Variants in BBS12 observed in about 807,000 individuals in gnomAD.
BBS12 encodes the protein chaperonin-containing T-complex member BBS12.
A neutral mutation model predicts 5.6 loss-of-function variants in BBS12; 5 were observed. The ratio of observed to expected loss-of-function variants is 0.89; its 90% CI spans 0.46 to 1.86. The LOEUF (loss-of-function observed/expected upper bound fraction) is 1.86, where lower values mean the gene tolerates loss of function less well. Ranked by LOEUF, BBS12 falls within the 40% of genes most tolerant of loss-of-function variation. The pLI is 0.01. For synonymous variants in BBS12, 308 were observed against 306.8 expected (o/e 1.00, Z -0.04); for missense variants, 748 against 830.4 (o/e 0.90, Z 1.22).
At chr4:122,702,937 G>A in the BBS12 span, among the ~76,000 whole-genome samples, 370 of 152,276 alleles carry the variant, frequency 2.4e-3, 3 homozygotes, top group African/African-American at 8.5e-3. Context: ...GAATTAGAAT[G>A]TTTTAATAAC....
Position 122,743,485 on chromosome 4 carries a change from A to G in BBS12, c.1593A>G (p.Lys531=). The part of the protein sequence containing the change: ...TCAYRLYYAL[K]EEKVFLGGGA... ...CCTATCGTTTGTATTATGCTCTAAA[A>G]GAGGAAAAGGTCTTCCTTGGAGGTG... The change falls in exon 2 of 2, where the codon AAA becomes AAG. Residue 531 remains lysine (K), a synonymous_variant. Transcript: ENST00000314218. The G allele has an allele frequency of 6.2e-7, 1 of 1,614,258 alleles. No individual in the cohort carries two copies. The highest frequency in any genetic ancestry group is 1.7e-5 in the Admixed American group (1 of 60,034).
the BBS12 span, among the ~76,000 whole-genome samples, chr4:122,727,399 C>T: frequency 6.6e-6 from 1 of 151,968 alleles, no homozygotes; most frequent in Non-Finnish European, 1.5e-5. Flanking sequence ...TGCCTGCCAC[C>T]ATGTCCAGCA....
chr4:122,713,254 T>C, the BBS12 span, among the ~76,000 whole-genome samples: 1 of 152,220 alleles, frequency 6.6e-6, no homozygotes, highest in African/African-American at 2.4e-5. Context: ...AATGATGTGT[T>C]CTGTCATGTT....
At chr4:122,710,504 C>T in the BBS12 span, among the ~76,000 whole-genome samples, 1 of 152,140 alleles carries the variant, frequency 6.6e-6, no homozygotes, top group Non-Finnish European at 1.5e-5. Context: ...TATTCATATC[C>T]AGTTGCGCAT....
At chr4:122,704,004 A>G in the BBS12 span, among the ~76,000 whole-genome samples, 2 of 151,984 alleles carry the variant, frequency 1.3e-5, no homozygotes, top group South Asian at 2.1e-4. Flanking sequence ...TTGCATCACC[A>G]CACCCAGAAA....
At chr4:122,733,376 AAC>A (rs3034555) in intron 1 of BBS12, among the ~76,000 whole-genome samples, 20,188 of 87,558 alleles carry the variant, frequency 0.23, 2,704 homozygotes, top group Non-Finnish European at 0.27. Flanking sequence ...CTCCAACCCC[AAC>A]ACACACACAC....
Position 122,743,046 on chromosome 4 carries a change from T to G in BBS12, c.1154T>G (p.Met385Arg). Residue 385 changes from methionine to arginine, a missense_variant, in exon 2 of 2, where the codon ATG becomes AGG. Transcript: ENST00000314218. ...SANIKTVLDS[M>R]RLQEDSSEEL... Reference sequence around the variant, plus strand: ...AATATTAAAACAGTATTAGATAGCATGCGGCTTCAAGAAGACAGCTCAGAA... The same window carrying G: ...AATATTAAAACAGTATTAGATAGCAGGCGGCTTCAAGAAGACAGCTCAGAA... 1 of 1,614,262 alleles carries G rather than the reference T, an allele frequency of 6.2e-7. No homozygotes were observed. The highest frequency in any genetic ancestry group is 8.5e-7 in the Non-Finnish European group (1 of 1,180,048).
the BBS12 span, among the ~76,000 whole-genome samples, chr4:122,716,723 A>ATG: frequency 1.4e-5 from 1 of 73,788 alleles, no homozygotes; most frequent in Non-Finnish European, 2.8e-5. Context: ...ATATGTGTGT[A>ATG]TATACACACA....
upstream of BBS12, chr4:122,730,555 A>G (rs1800684032): frequency 6.6e-6 from 1 of 152,280 alleles, no homozygotes; most frequent in African/African-American, 2.4e-5. Flanking sequence ...ATTAATAACG[A>G]GTAGTCTTTT....
At chr4:122,705,824 G>A in the BBS12 span, among the ~76,000 whole-genome samples, 16 of 152,266 alleles carry the variant, frequency 1.1e-4, no homozygotes, top group African/African-American at 3.4e-4. Flanking sequence ...TCATTTATGA[G>A]TCATTTATTT....
the BBS12 span, among the ~76,000 whole-genome samples, chr4:122,720,513 G>A: frequency 1.3e-5 from 2 of 152,044 alleles, no homozygotes; most frequent in Non-Finnish European, 2.9e-5. Flanking sequence ...CAAAGACCTG[G>A]AATCTATTAG....
upstream of BBS12, chr4:122,731,617 C>G (rs945031424): frequency 6.6e-6 from 1 of 152,148 alleles, no homozygotes; most frequent in Non-Finnish European, 1.5e-5. Context: ...CCTTCTTTAT[C>G]AACTTCAGCT....
At chr4:122,739,836 A>G (rs1800839580) in intron 1 of BBS12, among the ~76,000 whole-genome samples, 1 of 152,252 alleles carries the variant, frequency 6.6e-6, no homozygotes. Context: ...AACACGTCCC[A>G]TGCCCCCGCT....
chr4:122,710,925 G>C, the BBS12 span, among the ~76,000 whole-genome samples: 1 of 152,156 alleles, frequency 6.6e-6, no homozygotes, highest in Non-Finnish European at 1.5e-5. Context: ...TGGCTTCACT[G>C]TGGGATCCAG....
chr4:122,729,946 C>CA (rs1800676946), upstream of BBS12: 1 of 151,948 alleles, frequency 6.6e-6, no homozygotes, highest in South Asian at 2.1e-4. Flanking sequence ...GATTTTGTCT[C>CA]AAAAAATATA....
the BBS12 span, among the ~76,000 whole-genome samples, chr4:122,723,651 T>C: frequency 2.5e-3 from 386 of 152,328 alleles, 2 homozygotes; most frequent in African/African-American, 8.6e-3. Flanking sequence ...ACCTGAAACC[T>C]GGCAGGTGGT....
chr4:122,718,733 TGA>T, the BBS12 span, among the ~76,000 whole-genome samples: 13 of 151,802 alleles, frequency 8.6e-5, no homozygotes, highest in South Asian at 2.3e-3. Flanking sequence ...TGAAATGAAA[TGA>T]AATGAAATGA....
chr4:122,710,136 T>A, the BBS12 span, among the ~76,000 whole-genome samples: 1 of 152,226 alleles, frequency 6.6e-6, no homozygotes, highest in Non-Finnish European at 1.5e-5. Context: ...ATATTATGTA[T>A]ACTGCCTAAC....
chr4:122,740,685 G>C (rs1440388928), intron 1 of BBS12, among the ~76,000 whole-genome samples: 2 of 152,200 alleles, frequency 1.3e-5, no homozygotes, highest in Non-Finnish European at 2.9e-5. Flanking sequence ...GACTAGGAAT[G>C]TTTGTAGTGC....
Sources: allele counts gnomAD v4.1 joint callset (sites outside exome capture counted in the v4.1 genomes callset), GRCh38; gene constraint gnomAD v4.1.1; transcripts MANE v1.5; gene names NCBI Gene and HGNC (gene_info 2026-07-23, HGNC 2026-07-21).